MAP4K3: variants seen among roughly 807,000 people sequenced by gnomAD.
The protein encoded by MAP4K3 is MAPK/ERK kinase kinase kinase 3.
In MAP4K3, 94 loss-of-function variants were observed where a neutral mutation model predicts 143.5. That is an observed-to-expected ratio of 0.65 (90% CI 0.55 to 0.78). The LOEUF is 0.78. Among genes scored for constraint, MAP4K3 ranks in the 30% least tolerant of loss-of-function variants. The pLI, the probability that MAP4K3 is intolerant of heterozygous loss-of-function variation, is 0.00. For synonymous variants in MAP4K3, 416 were observed against 347.2 expected, an observed-to-expected ratio of 1.20 and a Z score of -2.20; for missense variants, 1,077 against 1,068.1, an observed-to-expected ratio of 1.01 and a Z score of -0.12.
Position 39,286,873 on chromosome 2 carries a change from T to C in MAP4K3, c.1566A>G (p.Arg522=), listed in dbSNP as rs1323673585. 1.6e-5 allele frequency: 26 copies of C among 1,605,698 alleles called. No individual in the cohort carries two copies. Among genetic ancestry groups the C allele is most frequent in the Non-Finnish European group, 2.2e-5 (26 of 1,177,878 alleles). ...CTACTGGTACATCTTTCTTTTCTTT[T>C]CTTGAAAGGTTTGTGCCTCTATGTT... ...QNEHRGTNLS[R]KEKKDVPKPI... Residue 522 remains arginine (R), a synonymous_variant, in exon 21 of 34, where the codon AGA becomes AGG. Coordinates refer to ENST00000263881, the MANE Select transcript of MAP4K3 (RefSeq NM_003618.4).
chr2:39,424,348 T>G (rs1054811602), intron 1 of MAP4K3, among the ~76,000 whole-genome samples: 8 of 151,360 alleles, frequency 5.3e-5, no homozygotes, highest in African/African-American at 1.9e-4. Context: ...AGAATCAAGG[T>G]GGGAGGGGAT....
chr2:39,410,296 A>G (rs1667201692), intron 1 of MAP4K3, among the ~76,000 whole-genome samples: 1 of 152,220 alleles, frequency 6.6e-6, no homozygotes, highest in Non-Finnish European at 1.5e-5. Flanking sequence ...AATAGCCACA[A>G]TCAAGAATTT....
At chr2:39,268,084 TTCTC>T (rs1432121299) in intron 26 of MAP4K3, among the ~76,000 whole-genome samples, 1 of 152,194 alleles carries the variant, frequency 6.6e-6, no homozygotes, top group Non-Finnish European at 1.5e-5. Context: ...AAATCTTTGT[TTCTC>T]TACTCAGGAA....
chr2:39,434,482 CAG>C (rs1665391518), intron 1 of MAP4K3, among the ~76,000 whole-genome samples: 2 of 152,198 alleles, frequency 1.3e-5, no homozygotes, highest in Non-Finnish European at 2.9e-5. Context: ...ACTACATAAA[CAG>C]TGAGACCTTG....
intron 8 of MAP4K3, among the ~76,000 whole-genome samples, chr2:39,326,786 T>G (rs534488733): frequency 2.0e-5 from 3 of 152,240 alleles, no homozygotes; most frequent in African/African-American, 7.2e-5. Context: ...TTTCTCATGA[T>G]AGTGAGCAGG....
At chr2:39,265,354 T>G in intron 27 of MAP4K3, 48 bp from the exon 28 acceptor site, 1 of 1,122,560 alleles carries the variant, frequency 8.9e-7, no homozygotes, top group Non-Finnish European at 1.4e-6. Context: ...ACAAAGTCAT[T>G]ATGACAATAA....
At chr2:39,381,653 A>T (rs1172562973) in intron 1 of MAP4K3, among the ~76,000 whole-genome samples, 1 of 152,128 alleles carries the variant, frequency 6.6e-6, no homozygotes, top group African/African-American at 2.4e-5. Flanking sequence ...GTGAATTTTT[A>T]TACTGTGTCA....
At chr2:39,406,417 C>T (rs1381408875) in intron 1 of MAP4K3, among the ~76,000 whole-genome samples, 4 of 152,124 alleles carry the variant, frequency 2.6e-5, no homozygotes, top group African/African-American at 9.7e-5. Flanking sequence ...CCAAAGAAGA[C>T]TACCTCAAGA....
intron 18 of MAP4K3, among the ~76,000 whole-genome samples, chr2:39,290,992 T>C (rs1255679785): frequency 3.3e-5 from 5 of 151,852 alleles, no homozygotes; most frequent in East Asian, 1.9e-4. Flanking sequence ...ACCTGGGAGG[T>C]AGAGCCTGCA....
intron 28 of MAP4K3, among the ~76,000 whole-genome samples, chr2:39,262,129 GA>G (rs1680594093): frequency 6.6e-6 from 1 of 152,096 alleles, no homozygotes; most frequent in Non-Finnish European, 1.5e-5. Context: ...AGCATTTTAT[GA>G]AGCTACTGGA....
intron 31 of MAP4K3, among the ~76,000 whole-genome samples, chr2:39,257,821 A>T (rs72923492): frequency 0.073 from 10,869 of 149,552 alleles, 1,480 homozygotes; most frequent in African/African-American, 0.26. Flanking sequence ...AAAAGAAATG[A>T]TATTACTTCT....
At chr2:39,290,796 C>T (rs77501702) in intron 18 of MAP4K3, among the ~76,000 whole-genome samples, 6 of 152,108 alleles carry the variant, frequency 3.9e-5, no homozygotes, top group African/African-American at 1.4e-4. Flanking sequence ...ACGGGCCGGG[C>T]GTGGTGGCTC....
At chr2:39,386,477 G>C (rs560215079) in intron 1 of MAP4K3, among the ~76,000 whole-genome samples, 2 of 152,134 alleles carry the variant, frequency 1.3e-5, no homozygotes, top group East Asian at 1.9e-4. Flanking sequence ...AGATCTTTTT[G>C]CTTAACTCCA....
At chr2:39,272,592 T>C (rs751764907) in intron 24 of MAP4K3, 50 bp from the exon 25 acceptor site, 11 of 1,433,090 alleles carry the variant, frequency 7.7e-6, no homozygotes, top group Middle Eastern at 1.9e-4. Context: ...ATAATGGCAA[T>C]GTAAATCTGT....
At chr2:39,371,873 TTGC>T (rs1427979649) in intron 2 of MAP4K3, among the ~76,000 whole-genome samples, 5 of 150,980 alleles carry the variant, frequency 3.3e-5, no homozygotes, top group African/African-American at 7.3e-5. Context: ...ATACATCCTC[TTGC>T]TGAATTGATC....
chr2:39,360,210 CA>C (rs1241062818), intron 2 of MAP4K3, among the ~76,000 whole-genome samples: 1 of 152,194 alleles, frequency 6.6e-6, no homozygotes, highest in Non-Finnish European at 1.5e-5. Context: ...AGGGCAGGGG[CA>C]AAATGCCGCC....
intron 13 of MAP4K3, among the ~76,000 whole-genome samples, chr2:39,312,742 A>G (rs892061196): frequency 6.6e-5 from 10 of 152,226 alleles, no homozygotes; most frequent in African/African-American, 2.4e-4. Context: ...AGATTACAAA[A>G]TAACTTTTAG....
At chr2:39,289,531 T>C (rs1284303018) in intron 19 of MAP4K3, among the ~76,000 whole-genome samples, 1 of 152,206 alleles carries the variant, frequency 6.6e-6, no homozygotes, top group Non-Finnish European at 1.5e-5. Flanking sequence ...TGATTTTGTT[T>C]GGAAAAATAA....
intron 2 of MAP4K3, among the ~76,000 whole-genome samples, chr2:39,369,383 C>A (rs112731691): frequency 3.3e-3 from 502 of 151,840 alleles, no homozygotes; most frequent in African/African-American, 0.012. Context: ...CTGACCTCAG[C>A]TGATCTGCCC....
Sources: allele counts gnomAD v4.1 joint callset (sites outside exome capture counted in the v4.1 genomes callset), GRCh38; gene constraint gnomAD v4.1.1; transcripts MANE v1.5; gene names NCBI Gene and HGNC (gene_info 2026-07-23, HGNC 2026-07-21).